Variants in CSMD1 observed in about 807,000 individuals in gnomAD.
CSMD1 encodes the protein CUB and sushi domain-containing protein 1.
Under a neutral mutation model 417.5 loss-of-function variants are expected in CSMD1, and 213 were observed. That is an observed-to-expected ratio of 0.51 (90% CI 0.46 to 0.57). The LOEUF (loss-of-function observed/expected upper bound fraction) is 0.57, where lower values mean the gene tolerates loss of function less well. Ranked by LOEUF, CSMD1 falls within the 20% of genes least tolerant of loss-of-function variation. CSMD1 has a pLI of 0.00. For synonymous variants in CSMD1, 2,862 were observed against 1,736.8 expected (o/e 1.65, Z -16.11); for missense variants, 6,923 against 4,529.7 (o/e 1.53, Z -15.17).
chr8:4,832,636 C>G (rs919306900), intron 1 of CSMD1, among the ~76,000 whole-genome samples: 11 of 152,202 alleles, frequency 7.2e-5, no homozygotes, highest in Non-Finnish European at 1.5e-4. Flanking sequence ...TCAAATCTAT[C>G]TGCTAAATGC....
intron 22 of CSMD1, among the ~76,000 whole-genome samples, chr8:3,343,836 T>C (rs1293456055): frequency 6.6e-6 from 1 of 152,302 alleles, no homozygotes; most frequent in East Asian, 1.9e-4. Context: ...GTCTTGAATA[T>C]CTCCTCTGAA....
intron 3 of CSMD1, among the ~76,000 whole-genome samples, chr8:4,301,189 G>C (rs1489492353): frequency 6.6e-6 from 1 of 152,092 alleles, no homozygotes; most frequent in Non-Finnish European, 1.5e-5. Flanking sequence ...AGCTCTCCTG[G>C]GTAGTGGTCT....
intron 50 of CSMD1, among the ~76,000 whole-genome samples, chr8:3,043,478 C>A (rs771815713): frequency 6.6e-6 from 1 of 151,830 alleles, no homozygotes; most frequent in Non-Finnish European, 1.5e-5. Context: ...GCTAGTATTG[C>A]TCTGGTTTGC....
chr8:4,374,093 C>T (rs541224792), intron 3 of CSMD1, among the ~76,000 whole-genome samples: 3 of 151,976 alleles, frequency 2.0e-5, no homozygotes, highest in African/African-American at 4.8e-5. Context: ...CATATGTGAC[C>T]GAAGCATGGT....
intron 3 of CSMD1, among the ~76,000 whole-genome samples, chr8:4,269,081 G>A (rs1170026764): frequency 1.3e-5 from 2 of 152,234 alleles, no homozygotes; most frequent in East Asian, 3.9e-4. Flanking sequence ...TTTTGAGACG[G>A]AGTCTCACTT....
chr8:4,301,486 T>C (rs1046675061), intron 3 of CSMD1, among the ~76,000 whole-genome samples: 1 of 152,220 alleles, frequency 6.6e-6, no homozygotes, highest in Non-Finnish European at 1.5e-5. Flanking sequence ...TGATGCCACT[T>C]GCATAAGATC....
chr8:3,103,721 G>C (rs979874851), intron 46 of CSMD1, among the ~76,000 whole-genome samples: 2 of 150,000 alleles, frequency 1.3e-5, no homozygotes, highest in Non-Finnish European at 3.0e-5. Flanking sequence ...ATCTGGAGAG[G>C]ACACCCTAAT....
intron 3 of CSMD1, among the ~76,000 whole-genome samples, chr8:4,351,786 G>A (rs1563083353): frequency 6.6e-6 from 1 of 152,044 alleles, no homozygotes; most frequent in Non-Finnish European, 1.5e-5. Flanking sequence ...CTTATTTTGT[G>A]CACTTGGAAT....
chr8:3,016,453 A>G (rs1808843432), intron 52 of CSMD1, among the ~76,000 whole-genome samples: 1 of 152,218 alleles, frequency 6.6e-6, no homozygotes, highest in Non-Finnish European at 1.5e-5. Flanking sequence ...GCCCCCCAGC[A>G]AAAGATGTCT....
At chr8:3,421,958 T>C (rs1048534923) in intron 12 of CSMD1, among the ~76,000 whole-genome samples, 10 of 144,236 alleles carry the variant, frequency 6.9e-5, no homozygotes, top group East Asian at 5.8e-4. Flanking sequence ...CTTAGAGTAT[T>C]AGCCACCACA....
intron 2 of CSMD1, among the ~76,000 whole-genome samples, chr8:4,584,956 G>C (rs1486992433): frequency 1.3e-5 from 2 of 152,084 alleles, no homozygotes; most frequent in African/African-American, 2.4e-5. Flanking sequence ...CTGCCTGCCA[G>C]AAACAAAATA....
chr8:4,224,907 CA>C (rs11355235), intron 3 of CSMD1, among the ~76,000 whole-genome samples: 144,803 of 152,242 alleles, frequency 0.95, 68,891 homozygotes, highest in Non-Finnish European at 0.97. Context: ...GTCAGGAGTC[CA>C]AAGGCCAGCC....
chr8:3,927,789 A>C lies in CSMD1; in HGVS notation c.818+70114T>G, dbSNP rs574210943. On this transcript the variant is annotated intron_variant, in intron 5 of 69. Transcript: ENST00000635120. The stretch of plus-strand genomic sequence containing the variant: ...GAACACTAAGAAAAATACCAAATCT[A>C]CCAAATATTTTAGTTTTAAATTTAA... 1.1e-3 allele frequency among the ~76,000 whole-genome samples: 170 copies of C among 152,334 alleles called. No homozygotes were observed. In the Middle Eastern group the frequency reaches 0.017, roughly 15 times the overall value.
chr8:3,096,874 C>T lies in CSMD1; in HGVS notation c.7113G>A (p.Gln2371=), dbSNP rs762519257. ...CATCAAACACTTCCAGTGCATCAAA[C>T]TGCTTTTCACTTTGAAATGTGTCCA... ...IFVDTFQSEK[Q]FDALEVFDGS... is the part of the protein sequence containing the mutation. Residue 2371 remains glutamine (Q), a synonymous_variant, in exon 47 of 70, where the codon CAG becomes CAA. Transcript: ENST00000635120. 1.0e-5 allele frequency: 16 copies of T among 1,555,454 alleles called. No individual in the cohort carries two copies. The highest frequency in any genetic ancestry group is 1.4e-5 in the Non-Finnish European group (16 of 1,148,436).
chr8:4,705,269 G>C (rs1279045217), intron 1 of CSMD1, among the ~76,000 whole-genome samples: 2 of 151,960 alleles, frequency 1.3e-5, no homozygotes, highest in Non-Finnish European at 2.9e-5. Context: ...TTTTATAGCA[G>C]TGTGAAAATT....
At chr8:4,076,561 G>A (rs956490108) in intron 3 of CSMD1, among the ~76,000 whole-genome samples, 1 of 152,158 alleles carries the variant, frequency 6.6e-6, no homozygotes, top group South Asian at 2.1e-4. Context: ...ATAGCTAAAA[G>A]AAAATGAAAT....
At chr8:4,908,786 A>T (rs1805473088) in intron 1 of CSMD1, among the ~76,000 whole-genome samples, 1 of 151,968 alleles carries the variant, frequency 6.6e-6, no homozygotes, top group East Asian at 1.9e-4. Context: ...TGCATAGCTT[A>T]TCTGCTCTTA....
rs867629812 is a variant in CSMD1 at position 3,949,859 on chromosome 8, A to G, written c.818+48044T>C. 35 of 455,234 alleles carry G rather than the reference A, an allele frequency of 7.7e-5. 2 individuals are homozygous for G. In the Middle Eastern group the frequency reaches 0.011, roughly 142 times the overall value. The allele number at this position is 455,234 out of a possible 1,614,324, so 28.2% of individuals were successfully genotyped here. ...ATTGATTGAGGGGATCCCTGGGGACATGGCCTCCTCATTCAGCCCCAATTC... is the reference window on the plus strand; with the variant it reads ...ATTGATTGAGGGGATCCCTGGGGACGTGGCCTCCTCATTCAGCCCCAATTC... On this transcript the variant is annotated intron_variant, in intron 5 of 69. Transcript: ENST00000635120.
intron 12 of CSMD1, among the ~76,000 whole-genome samples, chr8:3,415,823 C>G (rs1468740604): frequency 1.3e-5 from 2 of 152,108 alleles, no homozygotes; most frequent in African/African-American, 2.4e-5. Context: ...GAAGACAAAA[C>G]TTCTTTATTG....
Sources: allele counts gnomAD v4.1 joint callset (sites outside exome capture counted in the v4.1 genomes callset), GRCh38; gene constraint gnomAD v4.1.1; transcripts MANE v1.5; gene names NCBI Gene and HGNC (gene_info 2026-07-23, HGNC 2026-07-21).